The following TYROBP variants were observed in gnomAD, a reference collection of about 807,000 sequenced individuals.
TYROBP encodes the protein transmembrane immune signaling adaptor TYROBP, also known as TYRO protein tyrosine kinase-binding protein.
Under a neutral mutation model 17.1 loss-of-function variants are expected in TYROBP, and 14 were observed. That is an observed-to-expected ratio of 0.82 (90% CI 0.54 to 1.28). The LOEUF (loss-of-function observed/expected upper bound fraction) is 1.28. TYROBP is among the 50% of genes most tolerant of loss of function. TYROBP has a pLI of 0.00. For synonymous variants in TYROBP, 73 were observed against 67.4 expected (o/e 1.08, Z -0.41); for missense variants, 161 against 151.4 (o/e 1.06, Z -0.33).
At chr19:35,907,172 T>A in intron 4 of TYROBP, 46 bp downstream of exon 4, 1 of 1,556,466 alleles carries the variant, frequency 6.4e-7, no homozygotes, top group Non-Finnish European at 8.8e-7. Flanking sequence ...GGGGCAGATA[T>A]CCCTGGCAGG....
chr19:35,906,396 A>T (rs545900874), intron 4 of TYROBP, among the ~76,000 whole-genome samples: 72 of 151,852 alleles, frequency 4.7e-4, no homozygotes, highest in African/African-American at 1.2e-3. Flanking sequence ...GCCAAAAAAA[A>T]ATTTTTTTTA....
chr19:35,907,536 C>T lies in TYROBP; in HGVS notation c.139G>A (p.Val47Met), dbSNP rs1463520757. The part of the protein sequence containing the change: ...TVSPGVLAGI[V>M]MGDLVLTVLI... ...ACTGTCAGCACCAGGTCTCCCATCA[C>T]GATCCCTGCCAGCACGCCCGGGCTC... Residue 47 changes from valine (V) to methionine (M), a missense_variant, in exon 3 of 5, where the codon GTG becomes ATG. Coordinates refer to ENST00000262629, the MANE Select transcript of TYROBP (RefSeq NM_003332.4). 6 of 1,613,960 alleles carry T rather than the reference C, an allele frequency of 3.7e-6. No individual in the cohort carries two copies. The highest frequency in any genetic ancestry group is 5.1e-6 in the Non-Finnish European group (6 of 1,180,042).
chr19:35,907,156 G>C, intron 4 of TYROBP, 62 bp downstream of exon 4: 1 of 1,493,394 alleles, frequency 6.7e-7, no homozygotes, highest in Non-Finnish European at 9.2e-7. Context: ...GCATGAAGGA[G>C]TATCTGGGGC....
chr19:35,907,707 G>C (rs754032685), intron 2 of TYROBP, 23 bp downstream of exon 2: 1 of 1,614,116 alleles, frequency 6.2e-7, no homozygotes, highest in Non-Finnish European at 8.5e-7. Flanking sequence ...GGTAGAGAGA[G>C]GGACTGCTGG....
intron 4 of TYROBP, among the ~76,000 whole-genome samples, chr19:35,906,515 G>C (rs1568504140): frequency 1.3e-5 from 2 of 151,968 alleles, no homozygotes; most frequent in Non-Finnish European, 2.9e-5. Flanking sequence ...GGGATGAAGG[G>C]TCCTCAAACC....
chr19:35,907,861 G>C, intron 1 of TYROBP, 99 bp from the exon 2 acceptor site: 4 of 1,274,682 alleles, frequency 3.1e-6, no homozygotes, highest in Non-Finnish European at 4.5e-6. Flanking sequence ...ACAGCCAAGA[G>C]GTTAGCAAGG....
intron 4 of TYROBP, among the ~76,000 whole-genome samples, chr19:35,904,946 C>A (rs190453095): frequency 8.6e-4 from 128 of 149,070 alleles, no homozygotes; most frequent in Non-Finnish European, 1.3e-3. Flanking sequence ...TTCTTCCCCC[C>A]ACACTCCAGC....
At position 35,904,498 on chromosome 19, in the gene TYROBP, A is replaced by C. The variant is rs923891726; in HGVS notation, c.*71T>G. 1.3e-6 allele frequency: 2 copies of C among 1,503,556 alleles called. No homozygotes were observed. The highest frequency in any genetic ancestry group is 3.4e-4 in the Middle Eastern group (2 of 5,824). 93.1% of individuals were successfully genotyped at this position (1,503,556 alleles called of 1,614,324 possible). On this transcript the variant is annotated 3_prime_UTR_variant, in exon 5 of 5. Coordinates refer to ENST00000262629, the MANE Select transcript of TYROBP (RefSeq NM_003332.4). ...GGGTCTGTATCGCGGTAGGAGTTGG[A>C]ATGAGGTGCAGGGTGGGCTTCAGGA...
Position 35,907,224 on chromosome 19 carries a change from A to G in TYROBP, c.270T>C (p.Pro90=), listed in dbSNP as rs773594217. The G allele has an allele frequency of 1.9e-6, 3 of 1,603,174 alleles. No homozygotes were observed. In the Admixed American group the frequency reaches 5.2e-5, roughly 28 times the overall value. ...GACAGTCTGGTTTTCTCACCTGATA[A>G]GGCGACTCGGTCTCAGTGATACGCT... ...RKQRITETES[P]YQELQGQRSD... Residue 90 remains proline, a synonymous_variant, in exon 4 of 5, where the codon CCT becomes CCC. Coordinates refer to ENST00000262629, the MANE Select transcript of TYROBP (RefSeq NM_003332.4).
chr19:35,904,929 C>G (rs1234372830), intron 4 of TYROBP, among the ~76,000 whole-genome samples: 1 of 150,394 alleles, frequency 6.6e-6, no homozygotes, highest in African/African-American at 2.5e-5. Context: ...AATTTCCCCT[C>G]TGTAGTTTCT....
intron 3 of TYROBP, 72 bp from the exon 4 acceptor site, chr19:35,907,336 A>G: frequency 6.2e-7 from 1 of 1,607,568 alleles, no homozygotes. Flanking sequence ...GTCATTCCAA[A>G]TCAGCACCTC....
At chr19:35,907,930 G>C (rs888642422) in intron 1 of TYROBP, among the ~76,000 whole-genome samples, 168 bp from the exon 2 acceptor site, 1 of 152,134 alleles carries the variant, frequency 6.6e-6, no homozygotes, top group Non-Finnish European at 1.5e-5. Context: ...GACTATGTGC[G>C]TTACTTCTGC....
At chr19:35,907,786 C>G in intron 1 of TYROBP, 24 bp from the exon 2 acceptor site, 1 of 1,613,298 alleles carries the variant, frequency 6.2e-7, no homozygotes, top group Non-Finnish European at 8.5e-7. Context: ...AGAAGGTAAA[C>G]TGAGGCACAG....
chr19:35,906,510 G>A (rs1300154445), intron 4 of TYROBP, among the ~76,000 whole-genome samples: 1 of 152,062 alleles, frequency 6.6e-6, no homozygotes, highest in Non-Finnish European at 1.5e-5. Flanking sequence ...TCAAAGGGAT[G>A]AAGGGTCCTC....
chr19:35,907,495 G>T lies in TYROBP; in HGVS notation c.180C>A (p.Ala60=). The part of the protein sequence containing the change: ...DLVLTVLIAL[A]VYFLGRLVPR... ...GGACCAGCCGGCCCAGGAAGTACAC[G>T]GCCAGGGCAATGAGCACTGTCAGCA... is the stretch of plus-strand genomic sequence containing the variant. The change falls in exon 3 of 5, where the codon GCC becomes GCA. Residue 60 remains alanine (A), a synonymous_variant. Coordinates refer to ENST00000262629, the MANE Select transcript of TYROBP (RefSeq NM_003332.4). 6.2e-7 allele frequency: 1 copy of T among 1,613,454 alleles called. No individual in the cohort carries two copies.
At chr19:35,904,704 A>C (rs1975676206) in intron 4 of TYROBP, 70 bp from the exon 5 acceptor site, 2 of 1,430,886 alleles carry the variant, frequency 1.4e-6, no homozygotes. Context: ...AGTGGCCTGC[A>C]AGGCCCCTGG....
At chr19:35,907,700 A>G (rs369808065) in intron 2 of TYROBP, 30 bp downstream of exon 2, 70 of 1,613,736 alleles carry the variant, frequency 4.3e-5, no homozygotes, top group Non-Finnish European at 5.6e-5. Context: ...TCTGGGAGGT[A>G]GAGAGAGGGA....
intron 4 of TYROBP, 107 bp downstream of exon 4, chr19:35,907,111 G>A: frequency 8.9e-7 from 1 of 1,128,020 alleles, no homozygotes; most frequent in Non-Finnish European, 1.3e-6. Flanking sequence ...GTTTGGGGGT[G>A]CTTTAGGCAG....
At chr19:35,905,719 G>T (rs1330591496) in intron 4 of TYROBP, among the ~76,000 whole-genome samples, 1 of 151,606 alleles carries the variant, frequency 6.6e-6, no homozygotes, top group Non-Finnish European at 1.5e-5. Flanking sequence ...CTTTGGGAGG[G>T]AAAGGTGGGC....
Sources: gnomAD v4.1 joint callset for allele counts (sites outside exome capture counted in the v4.1 genomes callset) on GRCh38, gnomAD v4.1.1 for gene constraint, MANE v1.5 for transcripts, NCBI Gene and HGNC (gene_info 2026-07-23, HGNC 2026-07-21) for gene names.